MATCAP1: variants seen among roughly 807,000 people sequenced by gnomAD.
MATCAP1 encodes the protein microtubule-associated tyrosine carboxypeptidase 1.
At chr16:67,182,867 C>T in the MATCAP1 span, among the ~76,000 whole-genome samples, 1 of 152,168 alleles carries the variant, frequency 6.6e-6, no homozygotes, top group Non-Finnish European at 1.5e-5. Context: ...TTGTAGCAGT[C>T]ATCACCATCT....
chr16:67,177,072 G>A, the MATCAP1 span: 293 of 1,137,526 alleles, frequency 2.6e-4, no homozygotes, highest in East Asian at 1.4e-4. Flanking sequence ...CCTTTGCTCC[G>A]GGACTTCTTC....
chr16:67,179,536 C>T, the MATCAP1 span: 2 of 1,613,252 alleles, frequency 1.2e-6, no homozygotes, highest in South Asian at 1.1e-5. The surrounding 1 kb of genome is among the most constrained non-coding windows in gnomAD (Gnocchi z 5.2). Flanking sequence ...CCTGGGACAG[C>T]AGGTCCTCAC....
the MATCAP1 span, chr16:67,180,470 C>G: frequency 8.1e-6 from 13 of 1,605,438 alleles, no homozygotes; most frequent in Non-Finnish European, 1.1e-5. Context: ...GAGCCAGGGG[C>G]AAGGCCAGGG....
the MATCAP1 span, chr16:67,180,321 A>G: frequency 6.2e-7 from 1 of 1,612,212 alleles, no homozygotes. Context: ...AGGCCGTCCC[A>G]GGGTGCCACG....
the MATCAP1 span, chr16:67,179,597 G>A: frequency 6.3e-7 from 1 of 1,594,112 alleles, no homozygotes; most frequent in Non-Finnish European, 8.6e-7. This position sits in a 1 kb window ranked among gnomAD's most constrained non-coding sequence, Gnocchi z 5.2. Context: ...ATGGCCACCA[G>A]CCTGGGGCCA....
At chr16:67,180,112 C>CA in the MATCAP1 span, 3 of 1,614,086 alleles carry the variant, frequency 1.9e-6, no homozygotes, top group Non-Finnish European at 2.5e-6. Context: ...TCCTGGTACT[C>CA]AAACTGTGGA....
the MATCAP1 span, among the ~76,000 whole-genome samples, chr16:67,177,765 A>C: frequency 6.6e-6 from 1 of 151,338 alleles, no homozygotes; most frequent in African/African-American, 2.4e-5. Context: ...CTTCCTGATC[A>C]CTCCCTTGGC....
chr16:67,182,583 C>T, the MATCAP1 span, among the ~76,000 whole-genome samples: 9 of 152,350 alleles, frequency 5.9e-5, no homozygotes, highest in African/African-American at 1.7e-4. Context: ...AATCTTCCCA[C>T]CTCAGCCTTC....
At chr16:67,179,841 T>G in the MATCAP1 span, 1 of 1,614,096 alleles carries the variant, frequency 6.2e-7, no homozygotes, top group Admixed American at 1.7e-5. The surrounding 1 kb of genome is among the most constrained non-coding windows in gnomAD (Gnocchi z 5.2). Context: ...TCCTTCTGCA[T>G]GTATTTGCGC....
At chr16:67,179,644 A>C in the MATCAP1 span, 1 of 1,492,170 alleles carries the variant, frequency 6.7e-7, no homozygotes, top group Non-Finnish European at 9.3e-7. The surrounding 1 kb of genome is among the most constrained non-coding windows in gnomAD (Gnocchi z 5.2). Flanking sequence ...CAGGGCAGCG[A>C]GGCCAGACAA....
chr16:67,178,259 C>G, the MATCAP1 span: 2 of 1,565,804 alleles, frequency 1.3e-6, no homozygotes, highest in Middle Eastern at 1.7e-4. Flanking sequence ...CAGCGCACAT[C>G]GGCGTCCTGC....
At chr16:67,178,508 C>CG in the MATCAP1 span, 1 of 1,522,052 alleles carries the variant, frequency 6.6e-7, no homozygotes, top group Non-Finnish European at 8.8e-7. Flanking sequence ...TGGGTGCCTG[C>CG]GGGGAAGGCG....
the MATCAP1 span, chr16:67,179,633 A>C: frequency 6.6e-7 from 1 of 1,516,060 alleles, no homozygotes; most frequent in Non-Finnish European, 9.1e-7. This position sits in a 1 kb window ranked among gnomAD's most constrained non-coding sequence, Gnocchi z 5.2. Flanking sequence ...CAATGATGCC[A>C]CAGGGCAGCG....
At chr16:67,179,850 G>A in the MATCAP1 span, 41 of 1,614,090 alleles carry the variant, frequency 2.5e-5, no homozygotes, top group Admixed American at 8.3e-5. This position sits in a 1 kb window ranked among gnomAD's most constrained non-coding sequence, Gnocchi z 5.2. Context: ...ATGTATTTGC[G>A]CACAATCGAC....
the MATCAP1 span, chr16:67,183,279 A>C: frequency 1.3e-5 from 2 of 152,054 alleles, no homozygotes; most frequent in African/African-American, 4.8e-5. Flanking sequence ...AAATTACCAG[A>C]ATACGCCTGT....
chr16:67,178,804 T>G, the MATCAP1 span: 7 of 620,904 alleles, frequency 1.1e-5, no homozygotes, highest in African/African-American at 2.0e-5. Context: ...CAAACTGACA[T>G]TGCCCCCAGC....
At chr16:67,178,329 G>A in the MATCAP1 span, 1 of 1,581,852 alleles carries the variant, frequency 6.3e-7, no homozygotes, top group East Asian at 2.3e-5. Flanking sequence ...CGCGGTGGAT[G>A]GTGTAGTAGA....
the MATCAP1 span, among the ~76,000 whole-genome samples, chr16:67,182,021 C>A: frequency 6.6e-6 from 1 of 152,102 alleles, no homozygotes; most frequent in African/African-American, 2.4e-5. Flanking sequence ...GAGGCCGAGG[C>A]GGGCGGATCA....
the MATCAP1 span, among the ~76,000 whole-genome samples, chr16:67,180,916 C>T: frequency 1.3e-5 from 2 of 152,202 alleles, no homozygotes; most frequent in African/African-American, 2.4e-5. Flanking sequence ...AGGTGGAGTG[C>T]AGTGCAATGA....
Sources: allele counts gnomAD v4.1 joint callset (sites outside exome capture counted in the v4.1 genomes callset), GRCh38; gene constraint gnomAD v4.1.1; non-coding constraint Gnocchi (gnomAD v3.1); transcripts MANE v1.5; gene names NCBI Gene and HGNC (gene_info 2026-07-23, HGNC 2026-07-21).